Variants in NRXN1 observed in about 807,000 individuals in gnomAD.
NRXN1 encodes the protein neurexin 1, also known as neurexin-1.
Under a neutral mutation model 150.9 loss-of-function variants are expected in NRXN1, and 39 were observed. The observed-to-expected ratio is 0.26, with a 90% CI of 0.20 to 0.34. The LOEUF is 0.34. Ranked by LOEUF, NRXN1 falls within the 10% of genes least tolerant of loss-of-function variation. The pLI is 1.00. For missense variants in NRXN1, 1,815 were observed against 1,949.9 expected, an observed-to-expected ratio of 0.93 and a Z score of 1.30; for synonymous variants, 924 against 757.0, an observed-to-expected ratio of 1.22 and a Z score of -3.62.
At chr2:50,747,181 A>G (rs1485958949) in intron 5 of NRXN1, among the ~76,000 whole-genome samples, 2 of 152,138 alleles carry the variant, frequency 1.3e-5, no homozygotes, top group East Asian at 1.9e-4. Context: ...TTGCACAAAA[A>G]TCAGAAAGAT....
At chr2:50,104,885 T>C (rs996646125) in intron 18 of NRXN1, among the ~76,000 whole-genome samples, 2 of 152,070 alleles carry the variant, frequency 1.3e-5, no homozygotes, top group Non-Finnish European at 2.9e-5. Flanking sequence ...CATTATTGTA[T>C]ATATCAAGTA....
At chr2:50,140,895 C>CGT (rs570362509) in intron 18 of NRXN1, among the ~76,000 whole-genome samples, 19 of 151,106 alleles carry the variant, frequency 1.3e-4, no homozygotes, top group East Asian at 9.7e-4. Context: ...TATATGTGTT[C>CGT]GTGTGTGTGT....
intron 17 of NRXN1, among the ~76,000 whole-genome samples, chr2:50,451,450 T>G (rs1245282757): frequency 6.6e-6 from 1 of 152,214 alleles, no homozygotes; most frequent in Non-Finnish European, 1.5e-5. Flanking sequence ...ATAGCTCTTC[T>G]AAAGCTTCAT....
chr2:50,365,960 C>G (rs917668444), intron 17 of NRXN1, among the ~76,000 whole-genome samples: 1 of 151,992 alleles, frequency 6.6e-6, no homozygotes, highest in African/African-American at 2.4e-5. Context: ...GGTCTGTAGC[C>G]AAGTGGAATA....
At chr2:50,983,272 T>C (rs1697131865) in intron 2 of NRXN1, among the ~76,000 whole-genome samples, 1 of 152,090 alleles carries the variant, frequency 6.6e-6, no homozygotes, top group South Asian at 2.1e-4. Context: ...TCTTTGCATT[T>C]AGGGGTATGA....
At chr2:50,767,868 C>T (rs1359377774) in intron 5 of NRXN1, among the ~76,000 whole-genome samples, 1 of 151,970 alleles carries the variant, frequency 6.6e-6, no homozygotes, top group Non-Finnish European at 1.5e-5. Flanking sequence ...GGGCATTAAA[C>T]ATGTAATTAA....
intron 17 of NRXN1, among the ~76,000 whole-genome samples, chr2:50,427,790 G>A (rs577057232): frequency 3.9e-5 from 6 of 152,120 alleles, no homozygotes; most frequent in Admixed American, 1.3e-4. Flanking sequence ...TAACTTCTTC[G>A]AATACATTTT....
intron 18 of NRXN1, among the ~76,000 whole-genome samples, chr2:50,146,992 T>C (rs1431018310): frequency 1.3e-5 from 2 of 151,738 alleles, no homozygotes; most frequent in Non-Finnish European, 3.0e-5. Flanking sequence ...CCTACATAAA[T>C]AATTCCCTAA....
chr2:50,527,999 G>T (rs2093001966), intron 12 of NRXN1, among the ~76,000 whole-genome samples: 1 of 152,102 alleles, frequency 6.6e-6, no homozygotes, highest in South Asian at 2.1e-4. Context: ...TATCCTTTCA[G>T]ATTTTCATCC....
rs181816050 is a variant in NRXN1 at position 50,214,816 on chromosome 2, A to G, written c.3546+21973T>C. 4.9e-3 allele frequency among the ~76,000 whole-genome samples: 749 copies of G among 152,124 alleles called. 9 individuals are homozygous for G. Among genetic ancestry groups the G allele is most frequent in the African/African-American group, 0.017 (710 of 41,554 alleles). On this transcript the variant is annotated intron_variant, in intron 18 of 22. Coordinates refer to ENST00000401669, the MANE Select transcript of NRXN1 (RefSeq NM_001330078.2). Reference sequence around the variant, plus strand: ...CTCTGTATTGCACCATGATGACTTCAATGTTTCAAAGTACATTCACATCCT... The same window carrying G: ...CTCTGTATTGCACCATGATGACTTCGATGTTTCAAAGTACATTCACATCCT...
At position 49,919,515 on chromosome 2, in the gene NRXN1, T is replaced by C. The variant is rs984385725; in HGVS notation, c.*2429A>G. 2.6e-5 allele frequency: 4 copies of C among 151,698 alleles called. No individual in the cohort carries two copies. The highest frequency in any genetic ancestry group is 2.1e-4 in the South Asian group (1 of 4,826). The allele number at this position is 151,698 out of a possible 1,614,324, so 9.4% of individuals were successfully genotyped here. A position where few individuals can be genotyped will look rare whatever the true frequency, so the allele number is the denominator to read the frequency against. ...TATTATATTTTAGAATCTTTCCAGATGGAAACTGGTTCAAGCTTAATAGAT... is the reference window on the plus strand; with the variant it reads ...TATTATATTTTAGAATCTTTCCAGACGGAAACTGGTTCAAGCTTAATAGAT... On this transcript the variant is annotated 3_prime_UTR_variant, in exon 23 of 23. Transcript: ENST00000401669.
chr2:50,689,868 G>C (rs1032755270), intron 5 of NRXN1, among the ~76,000 whole-genome samples: 3 of 147,396 alleles, frequency 2.0e-5, no homozygotes, highest in African/African-American at 7.9e-5. Flanking sequence ...GTGTGTGTGT[G>C]TGTGTGTGTG....
At chr2:50,933,911 T>G (rs1375830738) in intron 2 of NRXN1, among the ~76,000 whole-genome samples, 3 of 152,188 alleles carry the variant, frequency 2.0e-5, no homozygotes, top group Non-Finnish European at 2.9e-5. Context: ...AAATGTATAA[T>G]AAGAAGACGG....
chr2:50,123,981 T>C (rs531491127), intron 18 of NRXN1, among the ~76,000 whole-genome samples: 17 of 152,080 alleles, frequency 1.1e-4, no homozygotes, highest in Non-Finnish European at 1.8e-4. Flanking sequence ...ACAGATGGTA[T>C]TAAAAGCCGT....
intron 19 of NRXN1, among the ~76,000 whole-genome samples, chr2:50,056,825 C>T (rs1339933932): frequency 6.6e-6 from 1 of 152,108 alleles, no homozygotes; most frequent in Non-Finnish European, 1.5e-5. Context: ...TTCAAAAATA[C>T]ATACCCTTTG....
rs376145322 is a variant in NRXN1 at position 50,041,373 on chromosome 2, C to T, written c.4128+11898G>A. The stretch of plus-strand genomic sequence containing the variant: ...AAAATGTTATACATTTTCCCTATTT[C>T]GATCTGGTTTTCTAGATGTCTAAAT... On this transcript the variant is annotated intron_variant, in intron 21 of 22. Coordinates refer to ENST00000401669, the MANE Select transcript of NRXN1 (RefSeq NM_001330078.2). Among the ~76,000 whole-genome samples the T allele has an allele frequency of 7.2e-5, 11 of 152,250 alleles. No homozygotes were observed. The South Asian group carries it at 8.3e-4, about 11-fold the overall frequency.
intron 15 of NRXN1, among the ~76,000 whole-genome samples, chr2:50,486,978 G>C (rs966269400): frequency 6.6e-6 from 1 of 152,008 alleles, no homozygotes; most frequent in Admixed American, 6.5e-5. Context: ...CATGAGATAC[G>C]ACGAACCCTT....
At chr2:50,200,094 T>A (rs188888838) in intron 18 of NRXN1, among the ~76,000 whole-genome samples, 58 of 152,300 alleles carry the variant, frequency 3.8e-4, no homozygotes, top group African/African-American at 1.3e-3. Context: ...TTATAGTTTA[T>A]GAATGTACAA....
intron 2 of NRXN1, among the ~76,000 whole-genome samples, chr2:51,002,145 C>T (rs1336884442): frequency 3.9e-5 from 6 of 151,984 alleles, no homozygotes; most frequent in African/African-American, 1.4e-4. Flanking sequence ...CAAAGGCCTC[C>T]ATGTCAAGTA....
Sources: gnomAD v4.1 joint callset for allele counts (sites outside exome capture counted in the v4.1 genomes callset) on GRCh38, gnomAD v4.1.1 for gene constraint, MANE v1.5 for transcripts, NCBI Gene and HGNC (gene_info 2026-07-23, HGNC 2026-07-21) for gene names.